The following DYM variants were observed in gnomAD, a reference collection of about 807,000 sequenced individuals.
DYM encodes the protein dyggve-Melchior-Clausen syndrome protein.
Under a neutral mutation model 93.1 loss-of-function variants are expected in DYM, and 78 were observed. That is an observed-to-expected ratio of 0.84 (90% CI 0.70 to 1.01). The LOEUF is 1.01. Among genes scored for constraint, DYM ranks in the 50% least tolerant of loss-of-function variants. The probability of loss-of-function intolerance (pLI) is 0.00; values close to 1 mark genes in which losing one functional copy is unlikely to be tolerated. For synonymous variants in DYM, 321 were observed against 319.7 expected (o/e 1.00, Z -0.04); for missense variants, 789 against 845.0 (o/e 0.93, Z 0.82).
intron 1 of DYM, among the ~76,000 whole-genome samples, chr18:49,441,514 C>T (rs2081620780): frequency 1.3e-5 from 2 of 148,294 alleles, no homozygotes; most frequent in Admixed American, 1.4e-4. Context: ...CATGAGTCCA[C>T]AAGTAATAGA....
At chr18:49,226,941 A>T (rs1228725322) in intron 13 of DYM, among the ~76,000 whole-genome samples, 1 of 152,144 alleles carries the variant, frequency 6.6e-6, no homozygotes, top group Non-Finnish European at 1.5e-5. Flanking sequence ...AATGTCATCC[A>T]GAGAAATTAA....
chr18:49,389,786 C>G (rs1260363818), intron 3 of DYM, among the ~76,000 whole-genome samples: 1 of 152,160 alleles, frequency 6.6e-6, no homozygotes, highest in African/African-American at 2.4e-5. Flanking sequence ...CCTCAGCCTC[C>G]TAAAGTTACC....
At chr18:49,357,752 C>T (rs556412979) in intron 6 of DYM, among the ~76,000 whole-genome samples, 1 of 152,188 alleles carries the variant, frequency 6.6e-6, no homozygotes, top group Non-Finnish European at 1.5e-5. Flanking sequence ...AAACCAAATG[C>T]TGCCACAAGA....
At chr18:49,146,015 C>T (rs1012337517) in intron 15 of DYM, among the ~76,000 whole-genome samples, 1 of 152,118 alleles carries the variant, frequency 6.6e-6, no homozygotes, top group South Asian at 2.1e-4. Context: ...TATTGATTCC[C>T]TACCATATGT....
intron 17 of DYM, among the ~76,000 whole-genome samples, chr18:49,086,953 A>G (rs1182557891): frequency 6.6e-6 from 1 of 152,036 alleles, no homozygotes; most frequent in African/African-American, 2.4e-5. Flanking sequence ...ATGCCACCGC[A>G]CTCTAGCCCG....
chr18:49,219,560 G>C (rs964517059), intron 13 of DYM, among the ~76,000 whole-genome samples: 7 of 152,220 alleles, frequency 4.6e-5, no homozygotes, highest in African/African-American at 1.4e-4. Flanking sequence ...TATCCACCAT[G>C]ATCAAGTGGG....
intron 1 of DYM, 120 bp from the exon 2 acceptor site, chr18:49,430,567 T>C (rs2074718264): frequency 2.5e-6 from 2 of 792,728 alleles, no homozygotes; most frequent in Non-Finnish European, 3.9e-6. Context: ...ATAAATATAT[T>C]AGACATCAGA....
chr18:49,429,616 C>A (rs1425841121), intron 2 of DYM, among the ~76,000 whole-genome samples: 1 of 152,184 alleles, frequency 6.6e-6, no homozygotes, highest in Non-Finnish European at 1.5e-5. Context: ...GGTAGGTATG[C>A]AAATTGCTAC....
chr18:49,193,770 C>T (rs1177775756), intron 14 of DYM, among the ~76,000 whole-genome samples: 1 of 152,182 alleles, frequency 6.6e-6, no homozygotes, highest in Non-Finnish European at 1.5e-5. Flanking sequence ...GTTGTGTGAT[C>T]ACTGCCAAAC....
chr18:49,142,914 T>C (rs1253310205), intron 15 of DYM, among the ~76,000 whole-genome samples: 1 of 152,216 alleles, frequency 6.6e-6, no homozygotes, highest in Non-Finnish European at 1.5e-5. Context: ...ATAGATACCA[T>C]TTAATAATAT....
intron 13 of DYM, among the ~76,000 whole-genome samples, chr18:49,242,122 G>C (rs554176166): frequency 6.6e-6 from 1 of 152,270 alleles, no homozygotes; most frequent in African/African-American, 2.4e-5. Context: ...CTAATTTAAA[G>C]TAATCTGGGC....
chr18:49,408,506 A>G (rs1446681204), intron 2 of DYM, among the ~76,000 whole-genome samples: 1 of 152,212 alleles, frequency 6.6e-6, no homozygotes, highest in Non-Finnish European at 1.5e-5. Flanking sequence ...TATTCCAGAA[A>G]GATTACCCAC....
rs538740860 is a variant in DYM, at chr18:49,403,941, T to C, written c.141-12296A>G. On this transcript the variant is annotated intron_variant, in intron 2 of 17. Coordinates refer to ENST00000675505, the MANE Select transcript of DYM (RefSeq NM_001353214.3). ...ATTCATTCCTTTTATGGCTGCATAA[T>C]AGTCTATGGCATATATATAGCACAT... Among the ~76,000 whole-genome samples the C allele has an allele frequency of 2.4e-4, 36 of 152,294 alleles. No homozygotes were observed. The South Asian group carries it at 3.5e-3, about 15-fold the overall frequency.
chr18:49,200,375 T>C (rs2091892855), intron 14 of DYM, among the ~76,000 whole-genome samples: 1 of 152,136 alleles, frequency 6.6e-6, no homozygotes, highest in South Asian at 2.1e-4. Context: ...TTTATGTAGT[T>C]GTTTTAATAG....
chr18:49,430,018 C>T (rs979560050), intron 2 of DYM, among the ~76,000 whole-genome samples: 4 of 152,092 alleles, frequency 2.6e-5, no homozygotes, highest in South Asian at 4.1e-4. Flanking sequence ...ATCTCTAGAA[C>T]GATTCAAAAT....
intron 8 of DYM, among the ~76,000 whole-genome samples, chr18:49,317,625 C>CTA (rs1358466277): frequency 7.4e-4 from 18 of 24,302 alleles, no homozygotes; most frequent in Non-Finnish European, 7.9e-4. Flanking sequence ...CCCTCCCTCC[C>CTA]TCCCTCTCCT....
chr18:49,346,092 C>A (rs572890838), intron 6 of DYM, among the ~76,000 whole-genome samples: 1 of 152,186 alleles, frequency 6.6e-6, no homozygotes. Flanking sequence ...AAGTTAAATA[C>A]AGAGTTACCA....
intron 1 of DYM, among the ~76,000 whole-genome samples, chr18:49,448,241 C>T (rs1484892706): frequency 6.6e-6 from 1 of 152,132 alleles, no homozygotes; most frequent in Non-Finnish European, 1.5e-5. Flanking sequence ...CATTCAATCC[C>T]TAAGTTTTTT....
At chr18:49,148,496 T>C (rs1480953039) in intron 15 of DYM, among the ~76,000 whole-genome samples, 1 of 152,130 alleles carries the variant, frequency 6.6e-6, no homozygotes, top group Admixed American at 6.5e-5. Context: ...AGGCTCAAGA[T>C]ATTCTCCTGC....
Sources: allele counts gnomAD v4.1 joint callset (sites outside exome capture counted in the v4.1 genomes callset), GRCh38; gene constraint gnomAD v4.1.1; transcripts MANE v1.5; gene names NCBI Gene and HGNC (gene_info 2026-07-23, HGNC 2026-07-21).